The following NR4A3 variants were observed in gnomAD, a reference collection of about 807,000 sequenced individuals.
NR4A3 encodes the protein nuclear receptor subfamily 4 group A member 3.
Under a neutral mutation model 55.6 loss-of-function variants are expected in NR4A3, and 13 were observed. That is an observed-to-expected ratio of 0.23 (90% CI 0.15 to 0.37). The LOEUF (loss-of-function observed/expected upper bound fraction) is 0.37. Ranked by LOEUF, NR4A3 falls within the 10% of genes least tolerant of loss-of-function variation. The pLI, the probability that NR4A3 is intolerant of heterozygous loss-of-function variation, is 1.00. For missense variants in NR4A3, 646 were observed against 822.8 expected, an observed-to-expected ratio of 0.79 and a Z score of 2.63; for synonymous variants, 342 against 357.9, an observed-to-expected ratio of 0.96 and a Z score of 0.50.
intron 7 of NR4A3, among the ~76,000 whole-genome samples, chr9:99,861,552 G>A (rs1658028155): frequency 6.6e-6 from 1 of 151,894 alleles, no homozygotes; most frequent in African/African-American, 2.4e-5. Context: ...GAAGGAAGGA[G>A]GACACATCAG....
At chr9:99,826,935 C>A in intron 2 of NR4A3, 1 of 701,432 alleles carries the variant, frequency 1.4e-6, no homozygotes, top group Non-Finnish European at 2.4e-6. Flanking sequence ...CCAAAAACCG[C>A]CGTTTTTTAC....
At chr9:99,838,473 C>T (rs944189322) in intron 5 of NR4A3, among the ~76,000 whole-genome samples, 1 of 152,178 alleles carries the variant, frequency 6.6e-6, no homozygotes, top group Non-Finnish European at 1.5e-5. Flanking sequence ...TCTCAGAAGA[C>T]CCTCTCAAAT....
intron 7 of NR4A3, among the ~76,000 whole-genome samples, chr9:99,851,375 A>G (rs1289897080): frequency 6.6e-6 from 1 of 152,210 alleles, no homozygotes; most frequent in Non-Finnish European, 1.5e-5. Context: ...ATTGTGGAGT[A>G]TCAGCTGGGC....
At chr9:99,862,155 G>GA (rs1406224848) in intron 7 of NR4A3, among the ~76,000 whole-genome samples, 1 of 151,980 alleles carries the variant, frequency 6.6e-6, no homozygotes, top group Non-Finnish European at 1.5e-5. Context: ...CCATTAGAAG[G>GA]ATGTCTTCCA....
chr9:99,856,578 C>A (rs1199703975), intron 7 of NR4A3, among the ~76,000 whole-genome samples: 1 of 152,148 alleles, frequency 6.6e-6, no homozygotes, highest in Admixed American at 6.5e-5. Context: ...GAAAAACTTT[C>A]ACATAGAAAG....
rs990295240 is a variant in NR4A3 at position 99,844,629 on chromosome 9, C to T, written c.1255-20C>T. ...CCCACTGAAGCAGGATAATGCTGCTCTCTCTGGTTTGCATTCTAGTACTGT... is the reference window on the plus strand; with the variant it reads ...CCCACTGAAGCAGGATAATGCTGCTTTCTCTGGTTTGCATTCTAGTACTGT... On this transcript the variant is annotated intron_variant, in intron 5 of 7. Transcript: ENST00000395097. The T allele has an allele frequency of 4.3e-6, 7 of 1,610,158 alleles. No individual in the cohort carries two copies. In the East Asian group the frequency reaches 1.3e-4, roughly 31 times the overall value.
chr9:99,859,129 T>C (rs1291898767), intron 7 of NR4A3, among the ~76,000 whole-genome samples: 1 of 152,230 alleles, frequency 6.6e-6, no homozygotes, highest in African/African-American at 2.4e-5. Context: ...GAAAATTATA[T>C]AGATCAAAAT....
intron 5 of NR4A3, among the ~76,000 whole-genome samples, chr9:99,844,345 C>A (rs1483728096): frequency 6.6e-6 from 1 of 152,194 alleles, no homozygotes; most frequent in Non-Finnish European, 1.5e-5. Context: ...AGGACCCAGA[C>A]AAGAGTTGTT....
At position 99,864,642 on chromosome 9, in the gene NR4A3, CT is replaced by C; in HGVS notation, c.*779del. 4.4e-6 allele frequency: 1 copy of C among 228,446 alleles called. No homozygotes were observed. The highest frequency in any genetic ancestry group is 1.3e-3 in the Middle Eastern group (1 of 762). 14.2% of individuals were successfully genotyped at this position (228,446 alleles called of 1,614,324 possible). A position where few individuals can be genotyped will look rare whatever the true frequency, so the allele number is the denominator to read the frequency against. On this transcript the variant is annotated 3_prime_UTR_variant, in exon 8 of 8. Coordinates refer to ENST00000395097, the MANE Select transcript of NR4A3 (RefSeq NM_006981.4). ...CTTCTGAGGTATGGCCCATCCAAGACTTTTAGGCCATTCTTGATGGAACCAG... is the reference window on the plus strand; with the variant it reads ...CTTCTGAGGTATGGCCCATCCAAGACTTTAGGCCATTCTTGATGGAACCAG...
chr9:99,850,507 T>A (rs910705931), intron 7 of NR4A3, among the ~76,000 whole-genome samples: 32 of 152,192 alleles, frequency 2.1e-4, no homozygotes, highest in African/African-American at 6.5e-4. Flanking sequence ...CTGGTCCTCT[T>A]TCTGCATCCC....
chr9:99,833,962 G>T, intron 5 of NR4A3: 1 of 1,150,164 alleles, frequency 8.7e-7, no homozygotes, highest in Admixed American at 4.5e-5. Flanking sequence ...GAACTGGGAT[G>T]GAACGCCACC....
At chr9:99,824,244 C>CT (rs1045356443) in intron 1 of NR4A3, among the ~76,000 whole-genome samples, 2 of 152,198 alleles carry the variant, frequency 1.3e-5, no homozygotes, top group African/African-American at 4.8e-5. Context: ...ACGCTGGGCG[C>CT]TCGAGGGGAA....
At chr9:99,826,568 A>T (rs1339235293) in intron 2 of NR4A3, among the ~76,000 whole-genome samples, 4 of 152,274 alleles carry the variant, frequency 2.6e-5, no homozygotes, top group Non-Finnish European at 2.9e-5. Flanking sequence ...ATCAAAGATC[A>T]GGCAGTGTTC....
At chr9:99,849,369 T>C (rs1471655895) in intron 7 of NR4A3, among the ~76,000 whole-genome samples, 1 of 151,958 alleles carries the variant, frequency 6.6e-6, no homozygotes, top group African/African-American at 2.4e-5. Flanking sequence ...TTTTTTTTTT[T>C]AATGGGGCTG....
intron 7 of NR4A3, among the ~76,000 whole-genome samples, chr9:99,858,359 C>T (rs1032572418): frequency 6.6e-6 from 1 of 152,196 alleles, no homozygotes; most frequent in East Asian, 1.9e-4. Context: ...CCACCTACCT[C>T]GCAACCCCTC....
In NR4A3 at chr9:99,822,160, G is replaced by A. The variant is rs1441439940; in HGVS notation, c.-424G>A. 1 of 152,708 alleles carries A rather than the reference G, an allele frequency of 6.5e-6. No individual in the cohort carries two copies. Among genetic ancestry groups the A allele is most frequent in the Non-Finnish European group, 1.5e-5 (1 of 68,158 alleles). The allele number at this position is 152,708 out of a possible 1,614,324, so 9.5% of individuals were successfully genotyped here. ...GACGGTGCCGGCAGTGGCCGTGGAG[G>A]TGGGAACAGCGGCGGCATCCTCCCC... On this transcript the variant is annotated 5_prime_UTR_variant, in exon 1 of 8. It adds an upstream start codon to the 5' untranslated region. Transcript: ENST00000395097. This position sits in a 1 kb window ranked among gnomAD's most constrained non-coding sequence, Gnocchi z 4.9.
rs941550791 is a variant in NR4A3 at position 99,864,927 on chromosome 9, T to C, written c.*1060T>C. 4 of 205,984 alleles carry C rather than the reference T, an allele frequency of 1.9e-5. No homozygotes were observed. Among genetic ancestry groups the C allele is most frequent in the African/African-American group, 9.1e-5 (4 of 43,818 alleles). 12.8% of individuals were successfully genotyped at this position (205,984 alleles called of 1,614,324 possible). Reference sequence around the variant, plus strand: ...ACAATAAGGATTTTTATAGATATAATTTAATTTTTGTTATTGGTTAAGGAG... The same window carrying C: ...ACAATAAGGATTTTTATAGATATAACTTAATTTTTGTTATTGGTTAAGGAG... On this transcript the variant is annotated 3_prime_UTR_variant, in exon 8 of 8. Transcript: ENST00000395097.
At chr9:99,832,899 G>A (rs1827474796) in intron 4 of NR4A3, 81 bp downstream of exon 4, 1 of 1,263,252 alleles carries the variant, frequency 7.9e-7, no homozygotes, top group Non-Finnish European at 1.1e-6. Flanking sequence ...TTTACATTGG[G>A]ATGGTGAATT....
chr9:99,858,557 G>T (rs989322537), intron 7 of NR4A3, among the ~76,000 whole-genome samples: 2 of 152,234 alleles, frequency 1.3e-5, no homozygotes, highest in Admixed American at 6.5e-5. Context: ...GAAAGAAGTA[G>T]TTAGTTAATT....
Sources: allele counts gnomAD v4.1 joint callset (sites outside exome capture counted in the v4.1 genomes callset), GRCh38; gene constraint gnomAD v4.1.1; non-coding constraint Gnocchi (gnomAD v3.1); transcripts MANE v1.5; gene names NCBI Gene and HGNC (gene_info 2026-07-23, HGNC 2026-07-21).